NCK1: variants seen among roughly 807,000 people sequenced by gnomAD.
The protein encoded by NCK1 is NCK adaptor protein 1.
In NCK1, 19 loss-of-function variants were observed where a neutral mutation model predicts 36.6. The ratio of observed to expected loss-of-function variants is 0.52; its 90% CI spans 0.36 to 0.76. The LOEUF (loss-of-function observed/expected upper bound fraction) is 0.76. Among genes scored for constraint, NCK1 ranks in the 30% least tolerant of loss-of-function variants. The pLI, the probability that NCK1 is intolerant of heterozygous loss-of-function variation, is 0.00. For synonymous variants in NCK1, 165 were observed against 156.0 expected, an observed-to-expected ratio of 1.06 and a Z score of -0.43; for missense variants, 358 against 445.6, an observed-to-expected ratio of 0.80 and a Z score of 1.77.
At chr3:136,895,446 A>G (rs2108093709) in intron 1 of NCK1, among the ~76,000 whole-genome samples, 1 of 152,000 alleles carries the variant, frequency 6.6e-6, no homozygotes, top group South Asian at 2.1e-4. Flanking sequence ...AAATTGCCAT[A>G]CCACCTTTTT....
intron 1 of NCK1, among the ~76,000 whole-genome samples, chr3:136,884,930 A>G (rs1939037362): frequency 6.6e-6 from 1 of 151,982 alleles, no homozygotes; most frequent in Non-Finnish European, 1.5e-5. Context: ...CACGTTGGTC[A>G]GGCTGGTCTT....
chr3:136,928,013 A>G lies in NCK1; in HGVS notation c.12A>G (p.Glu4=), dbSNP rs1315976495. 4 of 1,613,022 alleles carry G rather than the reference A, an allele frequency of 2.5e-6. No homozygotes were observed. Among genetic ancestry groups the G allele is most frequent in the Non-Finnish European group, 2.5e-6 (3 of 1,179,122 alleles). The change falls in exon 2 of 4, where the codon GAA becomes GAG. Residue 4 remains glutamate (E), a synonymous_variant. Coordinates refer to ENST00000481752, the MANE Select transcript of NCK1 (RefSeq NM_001291999.2). MAE[E]VVVVAKFDYV... is the part of the protein sequence containing the mutation. ...GAAGCTGCTGAAAGATGGCAGAAGA[A>G]GTGGTGGTAGTAGCCAAATTTGATT...
chr3:136,870,966 T>C (rs1406592906), intron 1 of NCK1, among the ~76,000 whole-genome samples: 1 of 152,198 alleles, frequency 6.6e-6, no homozygotes, highest in African/African-American at 2.4e-5. Flanking sequence ...TATTAAATGT[T>C]ATTTCCAGGT....
At chr3:136,886,245 C>A (rs932606498) in intron 1 of NCK1, among the ~76,000 whole-genome samples, 3 of 151,734 alleles carry the variant, frequency 2.0e-5, no homozygotes, top group African/African-American at 7.3e-5. Context: ...ATATAGTTAT[C>A]CTTTTTTTTT....
chr3:136,893,688 A>C (rs748729294), intron 1 of NCK1, among the ~76,000 whole-genome samples: 65 of 152,108 alleles, frequency 4.3e-4, no homozygotes, highest in Non-Finnish European at 7.8e-4. Flanking sequence ...TTTTGATAGA[A>C]TCTACATCTT....
rs576840409 is a variant in NCK1, at chr3:136,934,505, C to T, written c.226+6278C>T. 2.6e-5 allele frequency among the ~76,000 whole-genome samples: 4 copies of T among 152,112 alleles called. No homozygotes were observed. The East Asian group carries it at 5.8e-4, about 22-fold the overall frequency. On this transcript the variant is annotated intron_variant, in intron 2 of 3. Transcript: ENST00000481752. ...TTCACCATGTTGGCCAGGCTGGTCT[C>T]GAACTCCCAACCTCATGTGATCCAT...
chr3:136,900,425 A>G (rs1939512574), intron 1 of NCK1, among the ~76,000 whole-genome samples: 1 of 152,120 alleles, frequency 6.6e-6, no homozygotes, highest in Non-Finnish European at 1.5e-5. Context: ...TTTTGGTTTC[A>G]TATGAATTTT....
intron 1 of NCK1, among the ~76,000 whole-genome samples, chr3:136,882,224 A>T (rs1003673570): frequency 2.6e-5 from 4 of 152,118 alleles, no homozygotes; most frequent in Non-Finnish European, 5.9e-5. Flanking sequence ...AGCTATCTTA[A>T]TGGTGATATC....
rs142963209 is a variant in NCK1, at chr3:136,887,724, AG to A, written c.-19+25372del. ...TTAGGTAGGAGAAGAGGACAGGGAA[AG>A]ACAGCTGTGTCTCAGGCACTGTACT... On this transcript the variant is annotated intron_variant, in intron 1 of 3. Coordinates refer to ENST00000481752, the MANE Select transcript of NCK1 (RefSeq NM_001291999.2). Among the ~76,000 whole-genome samples, 283 of 152,302 alleles carry A rather than the reference AG, an allele frequency of 1.9e-3. 6 individuals carry two copies. The East Asian group carries it at 0.047, about 25-fold the overall frequency.
intron 1 of NCK1, among the ~76,000 whole-genome samples, chr3:136,864,384 G>T: frequency 6.6e-6 from 1 of 152,066 alleles, no homozygotes; most frequent in South Asian, 2.1e-4. Flanking sequence ...CCAGCTACTC[G>T]GGAGTCTGAG....
chr3:136,948,327 G>T lies in NCK1; in HGVS notation c.1008G>T (p.Glu336Asp), dbSNP rs753789797. The T allele has an allele frequency of 6.2e-7, 1 of 1,612,244 alleles. No homozygotes were observed. Among genetic ancestry groups the T allele is most frequent in the Non-Finnish European group, 8.5e-7 (1 of 1,178,996 alleles). The change falls in exon 4 of 4, where the codon GAG becomes GAT. Residue 336 changes from glutamate to aspartate, a missense_variant. Physicochemically the swap from Glu to Asp is conservative, Grantham distance 45. Around this residue, in one of 3 missense-constraint regions of NCK1, gnomAD observed 207 missense variants for 253.4 expected, o/e 0.82. Coordinates refer to ENST00000481752, the MANE Select transcript of NCK1 (RefSeq NM_001291999.2). Reference protein sequence around the residue: ...KNKHFKVQLKETVYCIGQRKF... With the variant: ...KNKHFKVQLKDTVYCIGQRKF... ...AGCATTTTAAAGTCCAACTAAAAGA[G>T]ACTGTCTACTGCATTGGGCAGCGTA...
chr3:136,902,191 T>G (rs960781506), intron 1 of NCK1, among the ~76,000 whole-genome samples: 9 of 93,550 alleles, frequency 9.6e-5, no homozygotes, highest in South Asian at 4.2e-4. Flanking sequence ...TTTGTTTTTT[T>G]TTTTTTTTTT....
intron 1 of NCK1, among the ~76,000 whole-genome samples, chr3:136,913,853 A>G (rs1939892281): frequency 6.6e-6 from 1 of 152,170 alleles, no homozygotes; most frequent in African/African-American, 2.4e-5. Context: ...TATTTTTATT[A>G]GAGACGGGGT....
intron 1 of NCK1, among the ~76,000 whole-genome samples, chr3:136,920,928 CA>C (rs1431224688): frequency 6.6e-6 from 1 of 152,030 alleles, no homozygotes; most frequent in African/African-American, 2.4e-5. Context: ...GTGGTAAAAA[CA>C]AATGTTATGA....
At chr3:136,930,397 T>G in intron 2 of NCK1, 9 of 1,210,582 alleles carry the variant, frequency 7.4e-6, no homozygotes, top group Non-Finnish European at 9.3e-6. Flanking sequence ...AAAAAAAGTT[T>G]TGGAAAGAGA....
At chr3:136,864,324 C>T (rs1347331761) in intron 1 of NCK1, among the ~76,000 whole-genome samples, 1 of 151,366 alleles carries the variant, frequency 6.6e-6, no homozygotes, top group African/African-American at 2.4e-5. Context: ...AACCGCGTCT[C>T]TACTGAAAAT....
At chr3:136,902,850 T>G (rs1939580066) in intron 1 of NCK1, among the ~76,000 whole-genome samples, 1 of 152,228 alleles carries the variant, frequency 6.6e-6, no homozygotes, top group Non-Finnish European at 1.5e-5. Flanking sequence ...GCTAAATAAA[T>G]TCAGTAAAGT....
chr3:136,917,166 T>G (rs1560046192), intron 1 of NCK1, among the ~76,000 whole-genome samples: 1 of 152,062 alleles, frequency 6.6e-6, no homozygotes, highest in Non-Finnish European at 1.5e-5. Context: ...ATGGGCTGCA[T>G]GCAGCCCAGG....
chr3:136,897,119 C>T (rs1939410373), intron 1 of NCK1, among the ~76,000 whole-genome samples: 5 of 152,102 alleles, frequency 3.3e-5, no homozygotes, highest in Admixed American at 3.3e-4. Context: ...CAGAATCTCA[C>T]TCCCTGTCAC....
Sources: gnomAD v4.1 joint callset for allele counts (sites outside exome capture counted in the v4.1 genomes callset) on GRCh38, gnomAD v4.1.1 for gene constraint, gnomAD v4.1.1 regional missense constraint, MANE v1.5 for transcripts, NCBI Gene and HGNC (gene_info 2026-07-23, HGNC 2026-07-21) for gene names.